The following ADGRB3 variants were observed in gnomAD, a reference collection of about 807,000 sequenced individuals.
ADGRB3 encodes the protein adhesion G protein-coupled receptor B3.
A neutral mutation model predicts 193.4 loss-of-function variants in ADGRB3; 37 were observed. That is an observed-to-expected ratio of 0.19 (90% CI 0.15 to 0.25). ADGRB3 has a LOEUF of 0.25. Ranked by LOEUF, ADGRB3 falls within the 10% of genes least tolerant of loss-of-function variation. The probability of loss-of-function intolerance (pLI) is 1.00; values close to 1 mark genes in which losing one functional copy is unlikely to be tolerated. For missense variants in ADGRB3, 1,637 were observed against 1,852.9 expected (o/e 0.88, Z 2.14); for synonymous variants, 690 against 644.2 (o/e 1.07, Z -1.08).
intron 3 of ADGRB3, among the ~76,000 whole-genome samples, chr6:68,804,056 A>G (rs1221155428): frequency 6.6e-6 from 1 of 152,162 alleles, no homozygotes; most frequent in Non-Finnish European, 1.5e-5. Context: ...TCAAGGTCTA[A>G]TTGGAGAATA....
At chr6:69,113,239 A>G (rs984075648) in intron 17 of ADGRB3, among the ~76,000 whole-genome samples, 2 of 152,048 alleles carry the variant, frequency 1.3e-5, no homozygotes. Flanking sequence ...TATGTATCAC[A>G]CATATTTATA....
chr6:68,858,498 CAA>C (rs11435140), intron 3 of ADGRB3, among the ~76,000 whole-genome samples: 6 of 76,700 alleles, frequency 7.8e-5, no homozygotes, highest in African/African-American at 1.0e-4. Context: ...TGCAACACTC[CAA>C]AAAAAAAAAA....
At chr6:69,262,993 A>T (rs1334990244) in intron 20 of ADGRB3, among the ~76,000 whole-genome samples, 1 of 152,000 alleles carries the variant, frequency 6.6e-6, no homozygotes, top group Non-Finnish European at 1.5e-5. Flanking sequence ...AAAAGGAACC[A>T]TTTTAAATTT....
chr6:69,179,152 T>C (rs1406742489), intron 17 of ADGRB3, among the ~76,000 whole-genome samples: 1 of 152,212 alleles, frequency 6.6e-6, no homozygotes, highest in Non-Finnish European at 1.5e-5. Context: ...TAAATGTTTT[T>C]TTAAATGAAT....
At chr6:68,934,557 T>G (rs1344683165) in intron 4 of ADGRB3, among the ~76,000 whole-genome samples, 1 of 152,160 alleles carries the variant, frequency 6.6e-6, no homozygotes, top group Non-Finnish European at 1.5e-5. Flanking sequence ...AGAATCCACA[T>G]TGTTCATAAT....
chr6:69,223,871 G>A (rs1052588587), intron 17 of ADGRB3, among the ~76,000 whole-genome samples: 1 of 151,708 alleles, frequency 6.6e-6, no homozygotes, highest in Non-Finnish European at 1.5e-5. Context: ...TGCTCAGGCT[G>A]GTCTCGAACT....
At chr6:68,828,842 C>T (rs1034175655) in intron 3 of ADGRB3, among the ~76,000 whole-genome samples, 1 of 152,038 alleles carries the variant, frequency 6.6e-6, no homozygotes, top group Admixed American at 6.6e-5. Context: ...TCCATAACCA[C>T]GGGATAGAGT....
chr6:68,876,892 T>A (rs1765609443), intron 3 of ADGRB3, among the ~76,000 whole-genome samples: 1 of 152,090 alleles, frequency 6.6e-6, no homozygotes, highest in South Asian at 2.1e-4. Flanking sequence ...CTTACTGATT[T>A]TTTTCAAAAT....
At chr6:69,328,772 G>A (rs951880033) in intron 22 of ADGRB3, among the ~76,000 whole-genome samples, 1 of 152,084 alleles carries the variant, frequency 6.6e-6, no homozygotes, top group Non-Finnish European at 1.5e-5. Context: ...GCCATCTATA[G>A]TATTTTTAAA....
chr6:69,270,878 A>G (rs1287691279), intron 20 of ADGRB3, among the ~76,000 whole-genome samples: 2 of 152,194 alleles, frequency 1.3e-5, no homozygotes, highest in Admixed American at 6.5e-5. Context: ...GGTATATGTG[A>G]CCAGCAATAT....
intron 3 of ADGRB3, among the ~76,000 whole-genome samples, chr6:68,672,762 T>A (rs1395353608): frequency 6.6e-6 from 1 of 152,094 alleles, no homozygotes; most frequent in African/African-American, 2.4e-5. Context: ...GGTATTTTTT[T>A]AAATGTAATT....
chr6:69,123,846 A>G (rs978590428), intron 17 of ADGRB3, among the ~76,000 whole-genome samples: 2 of 152,164 alleles, frequency 1.3e-5, no homozygotes, highest in Admixed American at 1.3e-4. Context: ...AGAGATGAGG[A>G]CAGTAAGATG....
intron 17 of ADGRB3, among the ~76,000 whole-genome samples, chr6:69,119,033 C>G (rs560185481): frequency 2.0e-5 from 3 of 152,214 alleles, no homozygotes; most frequent in African/African-American, 7.2e-5. Flanking sequence ...TATAATGGTG[C>G]TTTACATTAC....
At chr6:69,307,425 G>A (rs1203953715) in intron 20 of ADGRB3, among the ~76,000 whole-genome samples, 1 of 151,492 alleles carries the variant, frequency 6.6e-6, no homozygotes, top group African/African-American at 2.4e-5. Flanking sequence ...CACAGTCTCT[G>A]GCTTTTGACT....
intron 3 of ADGRB3, among the ~76,000 whole-genome samples, chr6:68,719,541 C>T (rs561415328): frequency 6.6e-6 from 1 of 151,684 alleles, no homozygotes; most frequent in Non-Finnish European, 1.5e-5. Flanking sequence ...ACTCTGATGC[C>T]TCTGTTTAAT....
At chr6:68,890,162 A>G (rs140231092) in intron 3 of ADGRB3, among the ~76,000 whole-genome samples, 1 of 152,340 alleles carries the variant, frequency 6.6e-6, no homozygotes, top group African/African-American at 2.4e-5. Flanking sequence ...AATGCATCAA[A>G]GATGTTATCT....
intron 20 of ADGRB3, among the ~76,000 whole-genome samples, chr6:69,296,832 G>A (rs1289781319): frequency 6.6e-6 from 1 of 151,994 alleles, no homozygotes; most frequent in Non-Finnish European, 1.5e-5. Flanking sequence ...TCACCTCCCA[G>A]GGATCTCATG....
At chr6:68,706,318 G>A (rs180748403) in intron 3 of ADGRB3, among the ~76,000 whole-genome samples, 45 of 152,240 alleles carry the variant, frequency 3.0e-4, no homozygotes, top group African/African-American at 1.1e-3. Flanking sequence ...GAAGACTAGG[G>A]ACTGAAAAAT....
At chr6:68,943,805 T>A (rs1767702902) in intron 5 of ADGRB3, 25 bp from the exon 6 acceptor site, 1 of 1,554,240 alleles carries the variant, frequency 6.4e-7, no homozygotes, top group African/African-American at 1.3e-5. Context: ...GCTTTTGTTG[T>A]TGAAGCTTCT....
Sources: allele counts gnomAD v4.1 joint callset (sites outside exome capture counted in the v4.1 genomes callset), GRCh38; gene constraint gnomAD v4.1.1; transcripts MANE v1.5; gene names NCBI Gene and HGNC (gene_info 2026-07-23, HGNC 2026-07-21).